AMPH: variants seen among roughly 807,000 people sequenced by gnomAD.
The protein encoded by AMPH is amphiphysin.
AMPH carries 49 observed loss-of-function variants against 99.1 expected under a neutral mutation model. The ratio of observed to expected loss-of-function variants is 0.49; its 90% CI spans 0.39 to 0.63. The LOEUF is 0.63. Ranked by LOEUF, AMPH falls within the 20% of genes least tolerant of loss-of-function variation. AMPH has a pLI of 0.00. For synonymous variants in AMPH, 314 were observed against 317.3 expected, an observed-to-expected ratio of 0.99 and a Z score of 0.11; for missense variants, 759 against 863.4, an observed-to-expected ratio of 0.88 and a Z score of 1.52.
In AMPH at chr7:38,605,741, AT is replaced by A. The variant is rs999876291; in HGVS notation, c.69+25541del. Among the ~76,000 whole-genome samples, 247 of 149,134 alleles carry A rather than the reference AT, an allele frequency of 1.7e-3. 1 individual carries two copies. The highest frequency in any genetic ancestry group is 5.4e-3 in the African/African-American group (219 of 40,646). Reference sequence around the variant, plus strand: ...CAGGTGCCCACCACCATGCCCAGCTATTTTTTTTTTAAATATTTTAAGTAGA... The same window carrying A: ...CAGGTGCCCACCACCATGCCCAGCTATTTTTTTTTAAATATTTTAAGTAGA... On this transcript the variant is annotated intron_variant, in intron 1 of 20. Coordinates refer to ENST00000356264, the MANE Select transcript of AMPH (RefSeq NM_001635.4).
intron 11 of AMPH, among the ~76,000 whole-genome samples, chr7:38,450,689 A>G (rs1328291380): frequency 1.3e-5 from 2 of 152,182 alleles, no homozygotes; most frequent in African/African-American, 4.8e-5. Context: ...CTTTTTGGTC[A>G]GCTTGGCATT....
At position 38,433,491 on chromosome 7, in the gene AMPH, C is replaced by T. The variant is rs1054417739; in HGVS notation, c.1135-1279G>A. ...CTGTAATCCCAGCACTTTGGGAGGC[C>T]GAGGCGGGCGGATCACGAGGTCAGG... On this transcript the variant is annotated intron_variant, in intron 12 of 20. Coordinates refer to ENST00000356264, the MANE Select transcript of AMPH (RefSeq NM_001635.4). Among the ~76,000 whole-genome samples, 39 of 151,746 alleles carry T rather than the reference C, an allele frequency of 2.6e-4. 1 individual carries two copies. Among genetic ancestry groups the T allele is most frequent in the African/African-American group, 8.5e-4 (35 of 41,336 alleles).
chr7:38,443,877 A>G (rs1786651650), intron 11 of AMPH, among the ~76,000 whole-genome samples: 1 of 152,098 alleles, frequency 6.6e-6, no homozygotes, highest in Admixed American at 6.6e-5. Flanking sequence ...AGGCACCGAG[A>G]TTGCAAAGAG....
Position 38,569,051 on chromosome 7 carries a change from T to C in AMPH, c.70-34040A>G, listed in dbSNP as rs1410517706. 5.9e-5 allele frequency among the ~76,000 whole-genome samples: 9 copies of C among 152,334 alleles called. No individual in the cohort carries two copies. The South Asian group carries it at 1.5e-3, about 25-fold the overall frequency. ...TCCTCCAACAGCAAAGTCCATGCTG[T>C]TCAGCTGTAACTATATTGCCATTAG... On this transcript the variant is annotated intron_variant, in intron 1 of 20. Coordinates refer to ENST00000356264, the MANE Select transcript of AMPH (RefSeq NM_001635.4).
intron 17 of AMPH, among the ~76,000 whole-genome samples, chr7:38,408,435 A>C (rs1785113809): frequency 6.6e-6 from 1 of 152,200 alleles, no homozygotes; most frequent in Admixed American, 6.5e-5. Context: ...CAATAAAAAG[A>C]TATCAAGAAG....
At chr7:38,563,556 T>C (rs935131347) in intron 1 of AMPH, among the ~76,000 whole-genome samples, 3 of 152,212 alleles carry the variant, frequency 2.0e-5, no homozygotes, top group Admixed American at 6.5e-5. Context: ...TCTGAATAGC[T>C]GTGAGCTACA....
intron 1 of AMPH, among the ~76,000 whole-genome samples, chr7:38,626,496 A>C (rs1794246838): frequency 6.6e-6 from 1 of 152,250 alleles, no homozygotes; most frequent in Non-Finnish European, 1.5e-5. Flanking sequence ...AGCCATATGC[A>C]GAAAACAGAA....
rs2241114 is a variant in AMPH at position 38,384,113 on chromosome 7, C to G, written c.*705G>C. 0.73 allele frequency: 111,791 copies of G among 152,264 alleles called. 41,345 individuals are homozygous for G. The highest frequency in any genetic ancestry group is 0.76 in the African/African-American group (31,554 of 41,512). The allele number at this position is 152,264 out of a possible 1,614,324, so 9.4% of individuals were successfully genotyped here. A position where few individuals can be genotyped will look rare whatever the true frequency, so the allele number is the denominator to read the frequency against. On this transcript the variant is annotated 3_prime_UTR_variant, in exon 21 of 21. Coordinates refer to ENST00000356264, the MANE Select transcript of AMPH (RefSeq NM_001635.4). The stretch of plus-strand genomic sequence containing the variant: ...AACACAGATACTGTTGACTCTTTTG[C>G]CAATGGGATGGCTGGTTTTGCCATT...
chr7:38,491,357 C>T (rs1788712690), intron 4 of AMPH, among the ~76,000 whole-genome samples: 1 of 152,156 alleles, frequency 6.6e-6, no homozygotes, highest in South Asian at 2.1e-4. Flanking sequence ...GCTCAGAGCT[C>T]AGCTCATTAA....
chr7:38,502,210 G>A (rs1402420002), intron 3 of AMPH, among the ~76,000 whole-genome samples: 1 of 152,132 alleles, frequency 6.6e-6, no homozygotes, highest in Non-Finnish European at 1.5e-5. Flanking sequence ...TCATCTTTAT[G>A]GAGAGATTTA....
chr7:38,518,565 A>G (rs925545398), intron 2 of AMPH, among the ~76,000 whole-genome samples: 1 of 152,234 alleles, frequency 6.6e-6, no homozygotes, highest in Non-Finnish European at 1.5e-5. Context: ...ACCTGGGACC[A>G]GTTATCTCTT....
chr7:38,437,137 T>A (rs1786298993), intron 11 of AMPH, among the ~76,000 whole-genome samples: 2 of 152,168 alleles, frequency 1.3e-5, no homozygotes, highest in South Asian at 4.1e-4. Flanking sequence ...TCTATAATAC[T>A]AAACATTATC....
At chr7:38,439,426 T>C (rs937902394) in intron 11 of AMPH, among the ~76,000 whole-genome samples, 2 of 152,224 alleles carry the variant, frequency 1.3e-5, no homozygotes, top group South Asian at 4.1e-4. Flanking sequence ...AAGGTACTCA[T>C]GTCAAAGAAT....
intron 1 of AMPH, among the ~76,000 whole-genome samples, chr7:38,629,510 A>G (rs1318060526): frequency 1.3e-5 from 2 of 150,126 alleles, no homozygotes; most frequent in African/African-American, 2.4e-5. Flanking sequence ...AGTTTTGACA[A>G]TTCACAGGAC....
chr7:38,592,199 G>A (rs1324184143), intron 1 of AMPH, among the ~76,000 whole-genome samples: 1 of 152,234 alleles, frequency 6.6e-6, no homozygotes, highest in African/African-American at 2.4e-5. Context: ...ATGCCTTTAA[G>A]CGGTTTTCCA....
At chr7:38,450,721 A>G (rs969650776) in intron 11 of AMPH, among the ~76,000 whole-genome samples, 2 of 152,060 alleles carry the variant, frequency 1.3e-5, no homozygotes, top group African/African-American at 4.8e-5. Flanking sequence ...AACCCCTGAG[A>G]CTGGCCATCA....
chr7:38,503,120 G>C (rs916456109), intron 3 of AMPH, among the ~76,000 whole-genome samples: 1 of 152,220 alleles, frequency 6.6e-6, no homozygotes, highest in Non-Finnish European at 1.5e-5. Flanking sequence ...GCTGAGTCCA[G>C]AAACTCATGC....
At chr7:38,457,765 T>C (rs1278123314) in intron 11 of AMPH, among the ~76,000 whole-genome samples, 3 of 152,182 alleles carry the variant, frequency 2.0e-5, no homozygotes, top group Admixed American at 6.5e-5. Context: ...AGTCAGACTA[T>C]GTACTAAGGC....
chr7:38,410,239 C>T (rs73348855), intron 17 of AMPH, among the ~76,000 whole-genome samples: 3,471 of 152,296 alleles, frequency 0.023, 117 homozygotes, highest in African/African-American at 0.079. Flanking sequence ...GCCAGACATA[C>T]CCAGAGACTA....
Sources: gnomAD v4.1 joint callset for allele counts (sites outside exome capture counted in the v4.1 genomes callset) on GRCh38, gnomAD v4.1.1 for gene constraint, MANE v1.5 for transcripts, NCBI Gene and HGNC (gene_info 2026-07-23, HGNC 2026-07-21) for gene names.